GABRG3: variants seen among roughly 807,000 people sequenced by gnomAD.
GABRG3 encodes gamma-aminobutyric acid type A receptor subunit gamma3.
Under a neutral mutation model 48.8 loss-of-function variants are expected in GABRG3, and 25 were observed. The ratio of observed to expected loss-of-function variants is 0.51; its 90% CI spans 0.37 to 0.72. The LOEUF is 0.72. Ranked by LOEUF, GABRG3 falls within the 30% of genes least tolerant of loss-of-function variation. GABRG3 has a pLI of 0.00. For missense variants in GABRG3, 394 were observed against 577.9 expected, an observed-to-expected ratio of 0.68 and a Z score of 3.26; for synonymous variants, 227 against 217.6, an observed-to-expected ratio of 1.04 and a Z score of -0.38.
chr15:27,195,402 G>A (rs1888463816), intron 3 of GABRG3, among the ~76,000 whole-genome samples: 1 of 152,112 alleles, frequency 6.6e-6, no homozygotes, highest in Non-Finnish European at 1.5e-5. Flanking sequence ...TGCAGTCTCA[G>A]CTCACTGCAA....
chr15:27,022,049 G>T (rs1895904534), intron 2 of GABRG3, among the ~76,000 whole-genome samples: 1 of 152,058 alleles, frequency 6.6e-6, no homozygotes, highest in Non-Finnish European at 1.5e-5. Context: ...TTCCTGCCCT[G>T]CCACCTTCCC....
At chr15:27,138,774 G>T (rs368327735) in intron 3 of GABRG3, among the ~76,000 whole-genome samples, 52 of 152,308 alleles carry the variant, frequency 3.4e-4, no homozygotes, top group African/African-American at 1.2e-3. Flanking sequence ...TTTGCCTGTT[G>T]TGAGTCCTAT....
chr15:27,101,155 A>G (rs1897349470), intron 3 of GABRG3, among the ~76,000 whole-genome samples: 1 of 152,244 alleles, frequency 6.6e-6, no homozygotes, highest in Non-Finnish European at 1.5e-5. Context: ...ACATTTGTAT[A>G]TAATAACAAA....
At chr15:27,125,362 A>T (rs1340482840) in intron 3 of GABRG3, among the ~76,000 whole-genome samples, 4 of 151,676 alleles carry the variant, frequency 2.6e-5, no homozygotes, top group Non-Finnish European at 5.9e-5. Context: ...AGGGAGGAGG[A>T]GAGGGTGGGG....
At chr15:27,500,172 C>T (rs1214977964) in intron 6 of GABRG3, among the ~76,000 whole-genome samples, 3 of 152,104 alleles carry the variant, frequency 2.0e-5, no homozygotes, top group Non-Finnish European at 2.9e-5. Flanking sequence ...GCAGGGAATT[C>T]AAGGCTGAAC....
Position 27,238,106 on chromosome 15 carries a change from TTCTGTGTCTCGCA to T in GABRG3, c.271-88702_271-88690del, listed in dbSNP as rs1890031396. 1.9e-5 allele frequency among the ~76,000 whole-genome samples: 2 copies of T among 106,084 alleles called. 1 individual carries two copies. Among genetic ancestry groups the T allele is most frequent in the Non-Finnish European group, 4.9e-5 (2 of 41,084 alleles). The allele number at this position is 106,084 out of a possible 152,430, so 69.6% of individuals were successfully genotyped here. A position where few individuals can be genotyped will look rare whatever the true frequency, so the allele number is the denominator to read the frequency against. ...CTGGTGTGATGGGATCATCTTGAGA[TTCTGTGTCTCGCA>T]GACAGCAGCGGTGGCAGATTCTTGC... On this transcript the variant is annotated intron_variant, in intron 3 of 9. Coordinates refer to ENST00000615808, the MANE Select transcript of GABRG3 (RefSeq NM_033223.5).
intron 5 of GABRG3, among the ~76,000 whole-genome samples, chr15:27,475,531 A>G (rs1367418551): frequency 1.3e-5 from 2 of 152,046 alleles, no homozygotes; most frequent in East Asian, 3.9e-4. Context: ...GGTCATCATG[A>G]TGGTGATAGT....
At chr15:27,524,594 A>G (rs756381644) in intron 7 of GABRG3, among the ~76,000 whole-genome samples, 7 of 152,134 alleles carry the variant, frequency 4.6e-5, no homozygotes, top group Non-Finnish European at 1.0e-4. Context: ...ATTAAAATCA[A>G]GGAAGAGTAA....
chr15:27,218,071 G>C (rs902865965), intron 3 of GABRG3, among the ~76,000 whole-genome samples: 8 of 152,172 alleles, frequency 5.3e-5, no homozygotes, highest in Non-Finnish European at 1.2e-4. Flanking sequence ...GTGCAACTCT[G>C]CGATTACAGC....
intron 3 of GABRG3, among the ~76,000 whole-genome samples, chr15:27,308,648 T>G (rs1323701612): frequency 1.3e-5 from 2 of 149,344 alleles, no homozygotes; most frequent in African/African-American, 2.4e-5. Flanking sequence ...AAACATACGC[T>G]TATGTATAAA....
intron 3 of GABRG3, among the ~76,000 whole-genome samples, chr15:27,216,756 T>TTATTTATG (rs1889266030): frequency 8.8e-6 from 1 of 113,950 alleles, no homozygotes; most frequent in Non-Finnish European, 1.7e-5. Context: ...TATTTTTTAT[T>TTATTTATG]TATTTATTTA....
intron 3 of GABRG3, among the ~76,000 whole-genome samples, chr15:27,037,136 A>C: frequency 6.6e-6 from 1 of 152,174 alleles, no homozygotes; most frequent in East Asian, 1.9e-4. Context: ...TCTCCCTCAC[A>C]GCCCCCAGAG....
rs138297273 is a variant in GABRG3, at chr15:27,299,301, AAAAC to A, written c.271-27500_271-27497del. On this transcript the variant is annotated intron_variant, in intron 3 of 9. Transcript: ENST00000615808. ...CTCCATCTCAGAAAAAACAAAAACA[AAAAC>A]AAACAAAAAAACACCATGGCCCATG... Among the ~76,000 whole-genome samples the A allele has an allele frequency of 5.9e-3, 894 of 152,276 alleles. 24 individuals are homozygous for A. The East Asian group carries it at 0.088, about 15-fold the overall frequency.
intron 5 of GABRG3, among the ~76,000 whole-genome samples, chr15:27,330,497 C>T (rs1171298151): frequency 2.6e-5 from 4 of 152,202 alleles, no homozygotes; most frequent in African/African-American, 9.6e-5. Flanking sequence ...CACTGGAAAC[C>T]TTATTTCTTT....
At chr15:27,059,042 T>C (rs1239773686) in intron 3 of GABRG3, among the ~76,000 whole-genome samples, 3 of 152,206 alleles carry the variant, frequency 2.0e-5, no homozygotes, top group African/African-American at 7.2e-5. Context: ...TCAAACTAAT[T>C]CACTGAATTG....
intron 3 of GABRG3, among the ~76,000 whole-genome samples, chr15:27,256,227 G>A (rs1205772689): frequency 1.3e-5 from 2 of 151,976 alleles, no homozygotes; most frequent in African/African-American, 2.4e-5. Context: ...CGGATCAGGA[G>A]GTCAGGAGAT....
intron 3 of GABRG3, among the ~76,000 whole-genome samples, chr15:27,056,517 G>A (rs1307710582): frequency 6.6e-6 from 1 of 152,152 alleles, no homozygotes; most frequent in Non-Finnish European, 1.5e-5. Context: ...TGATCATGCA[G>A]TGCTGGAAAA....
intron 3 of GABRG3, among the ~76,000 whole-genome samples, chr15:27,246,617 C>A (rs1160848066): frequency 1.3e-5 from 2 of 152,102 alleles, no homozygotes; most frequent in Non-Finnish European, 2.9e-5. Flanking sequence ...TAAGTAATAT[C>A]AAATTTGGGC....
intron 3 of GABRG3, among the ~76,000 whole-genome samples, chr15:27,137,037 C>T (rs1898021295): frequency 6.6e-6 from 1 of 152,216 alleles, no homozygotes. Context: ...CGCTCCAGCC[C>T]AGCATCCTGA....
Sources: allele counts gnomAD v4.1 joint callset (sites outside exome capture counted in the v4.1 genomes callset), GRCh38; gene constraint gnomAD v4.1.1; transcripts MANE v1.5; gene names NCBI Gene and HGNC (gene_info 2026-07-23, HGNC 2026-07-21).